INSL3: variants seen among roughly 807,000 people sequenced by gnomAD.
INSL3 encodes insulin-like 3.
A neutral mutation model predicts 5.5 loss-of-function variants in INSL3; 6 were observed. The observed-to-expected ratio is 1.08, with a 90% CI of 0.59 to 2.14. The LOEUF is 2.14. Among genes scored for constraint, INSL3 ranks in the 30% most tolerant of loss-of-function variants. INSL3 has a pLI of 0.00. For synonymous variants in INSL3, 86 were observed against 82.1 expected (o/e 1.05, Z -0.26); for missense variants, 178 against 184.7 (o/e 0.96, Z 0.21).
chr19:17,818,009 G>A (rs1389542272), intron 1 of INSL3, among the ~76,000 whole-genome samples: 1 of 151,806 alleles, frequency 6.6e-6, no homozygotes, highest in Non-Finnish European at 1.5e-5. Flanking sequence ...CAGGTCCAAG[G>A]GTCCGTGAGA....
At chr19:17,820,988 A>T (rs534434345) in intron 1 of INSL3, among the ~76,000 whole-genome samples, 5 of 151,818 alleles carry the variant, frequency 3.3e-5, no homozygotes, top group East Asian at 2.0e-4. Context: ...TAATTTTTTT[A>T]AAAATTATTT....
At position 17,821,411 on chromosome 19, in the gene INSL3, C is replaced by T. The variant is rs901138845; in HGVS notation, c.96G>A (p.Lys32=). 6 of 1,548,006 alleles carry T rather than the reference C, an allele frequency of 3.9e-6. No individual in the cohort carries two copies. The highest frequency in any genetic ancestry group is 5.2e-6 in the Non-Finnish European group (6 of 1,145,476). The change falls in exon 1 of 2, where the codon AAG becomes AAA. Residue 32 remains lysine, a synonymous_variant. Transcript: ENST00000317306. The part of the protein sequence containing the change: ...GPAPTPEMRE[K]LCGHHFVRAL... The stretch of plus-strand genomic sequence containing the variant: ...CGCGTACGAAGTGGTGGCCGCACAA[C>T]TTCTCACGCATCTCTGGGGTGGGCG...
intron 1 of INSL3, among the ~76,000 whole-genome samples, chr19:17,819,489 C>T (rs1000052852): frequency 1.1e-4 from 17 of 152,194 alleles, no homozygotes; most frequent in African/African-American, 3.1e-4. Flanking sequence ...GCGGCTCACG[C>T]TTGTAATCCC....
chr19:17,818,053 T>C (rs2094190459), intron 1 of INSL3, among the ~76,000 whole-genome samples: 1 of 151,892 alleles, frequency 6.6e-6, no homozygotes, highest in Non-Finnish European at 1.5e-5. Flanking sequence ...ACCCACAGAC[T>C]CCTCGTGGTA....
At position 17,817,027 on chromosome 19, in the gene INSL3, G is replaced by T; in HGVS notation, c.223C>A (p.Leu75Met). 3 of 1,613,648 alleles carry T rather than the reference G, an allele frequency of 1.9e-6. No homozygotes were observed. The South Asian group carries it at 3.3e-5, about 18-fold the overall frequency. The change falls in exon 2 of 2, where the codon CTG (leucine) becomes ATG (methionine). Residue 75 changes from leucine to methionine, a missense_variant. Physicochemically the swap from Leu to Met is conservative, Grantham distance 15. Transcript: ENST00000317306. ...CTGTCGGCCACCAGCCCATGGAGCA[G>T]ATGTCGTCTCTCCAGCCACTGTAGC... ...ELLQWLERRHLLHGLVADSNL... is the reference protein window; with the variant it reads ...ELLQWLERRHMLHGLVADSNL...
intron 1 of INSL3, among the ~76,000 whole-genome samples, chr19:17,819,225 C>A (rs1355652883): frequency 6.7e-6 from 1 of 149,026 alleles, no homozygotes; most frequent in Non-Finnish European, 1.5e-5. Flanking sequence ...TAGAGTGAGA[C>A]CCTGTCTCAA....
chr19:17,821,305 G>A lies in INSL3; in HGVS notation c.190+12C>T, dbSNP rs775244576. 5.2e-6 allele frequency: 8 copies of A among 1,544,786 alleles called. No individual in the cohort carries two copies. The highest frequency in any genetic ancestry group is 2.7e-5 in the African/African-American group (2 of 73,004). ...GCTTCCCAGAGCGCTGTCCCTGCCC[G>A]TCCCCACTCACGGTCGCCTCCGGTC... is the stretch of plus-strand genomic sequence containing the variant. On this transcript the variant is annotated intron_variant, in intron 1 of 1. Coordinates refer to ENST00000317306, the MANE Select transcript of INSL3 (RefSeq NM_005543.4).
chr19:17,817,344 G>A (rs1390948440), intron 1 of INSL3, among the ~76,000 whole-genome samples: 3 of 151,266 alleles, frequency 2.0e-5, no homozygotes, highest in African/African-American at 7.3e-5. Flanking sequence ...AATTAGCCGG[G>A]TGTGGTGGCG....
intron 1 of INSL3, chr19:17,820,329 T>C: frequency 2.8e-6 from 1 of 357,364 alleles, no homozygotes; most frequent in South Asian, 2.1e-5. Context: ...GTAACATAAT[T>C]GTGAAAAGCA....
chr19:17,821,018 A>G (rs1599858223), intron 1 of INSL3, among the ~76,000 whole-genome samples: 1 of 151,812 alleles, frequency 6.6e-6, no homozygotes, highest in South Asian at 2.1e-4. Flanking sequence ...ATGGGGTTTC[A>G]CCATTTTGGC....
intron 1 of INSL3, among the ~76,000 whole-genome samples, chr19:17,817,788 T>C (rs1599855906): frequency 4.2e-5 from 2 of 47,174 alleles, no homozygotes; most frequent in African/African-American, 9.4e-5. Context: ...AGAATGAAAC[T>C]CCATCTCAAA....
chr19:17,820,778 T>G (rs966693018), intron 1 of INSL3, among the ~76,000 whole-genome samples: 1 of 151,950 alleles, frequency 6.6e-6, no homozygotes, highest in Admixed American at 6.6e-5. Flanking sequence ...TCACTCTGTT[T>G]CTGGCCCCTC....
chr19:17,821,453 C>T lies in INSL3; in HGVS notation c.54G>A (p.Val18=). 1 of 1,539,674 alleles carries T rather than the reference C, an allele frequency of 6.5e-7. No homozygotes were observed. Among genetic ancestry groups the T allele is most frequent in the Non-Finnish European group, 8.8e-7 (1 of 1,139,692 alleles). The part of the protein sequence containing the change: ...WALVLLGPAL[V]FALGPAPTPE... ...GGGTGGGCGCGGGGCCCAACGCGAA[C>T]ACCAGGGCAGGGCCCAGCAGCACCA... The change falls in exon 1 of 2, where the codon GTG becomes GTA. Residue 18 remains valine (V), a synonymous_variant. Transcript: ENST00000317306.
intron 1 of INSL3, among the ~76,000 whole-genome samples, chr19:17,817,790 C>T (rs1309959901): frequency 2.4e-5 from 1 of 41,828 alleles, no homozygotes; most frequent in Non-Finnish European, 4.4e-5. Flanking sequence ...AATGAAACTC[C>T]ATCTCAAAAA....
In INSL3 at chr19:17,817,909, C is replaced by T. The variant is rs151233169; in HGVS notation, c.191-850G>A. ...ATGTCCACACTCACATCCCCAGCTG[C>T]GTGGGTCCCCATATGCCACCTGAGT... On this transcript the variant is annotated intron_variant, in intron 1 of 1. Transcript: ENST00000317306. Among the ~76,000 whole-genome samples the T allele has an allele frequency of 4.0e-3, 612 of 151,902 alleles. 4 individuals are homozygous for T. Among genetic ancestry groups the T allele is most frequent in the African/African-American group, 0.014 (577 of 41,450 alleles).
At position 17,816,578 on chromosome 19, in the gene INSL3, C is replaced by T. The variant is rs867008310; in HGVS notation, c.*276G>A. ...GGTGTTACACATGCAGGGAGCGGAG[C>T]GTCTGGGGCTCCCCTGGAGTGAGGA... On this transcript the variant is annotated 3_prime_UTR_variant, in exon 2 of 2. Transcript: ENST00000317306. 4 of 527,234 alleles carry T rather than the reference C, an allele frequency of 7.6e-6. No individual in the cohort carries two copies. Among genetic ancestry groups the T allele is most frequent in the East Asian group, 3.3e-5 (1 of 30,228 alleles). The allele number at this position is 527,234 out of a possible 1,614,324, so 32.7% of individuals were successfully genotyped here. A position where few individuals can be genotyped will look rare whatever the true frequency, so the allele number is the denominator to read the frequency against.
Position 17,820,232 on chromosome 19 carries a change from C to T in INSL3, c.190+1085G>A, listed in dbSNP as rs189597847. On this transcript the variant is annotated intron_variant, in intron 1 of 1. Coordinates refer to ENST00000317306, the MANE Select transcript of INSL3 (RefSeq NM_005543.4). ...CCGGGAGGCAGAGGTTGCAGTGAGA[C>T]GAGATCACGTCACAGCACTCTGGTT... Among the ~76,000 whole-genome samples the T allele has an allele frequency of 9.1e-4, 138 of 152,182 alleles. 3 individuals are homozygous for T. Among genetic ancestry groups the T allele is most frequent in the Admixed American group, 3.0e-3 (46 of 15,262 alleles).
rs1400553709 is a variant in INSL3 at position 17,821,321 on chromosome 19, G to C, written c.186C>G (p.Gly62=). 1 of 1,546,876 alleles carries C rather than the reference G, an allele frequency of 6.5e-7. No homozygotes were observed. The highest frequency in any genetic ancestry group is 2.0e-5 in the Admixed American group (1 of 50,996). ...STEARRPATG[G]DRELLQWLER... Reference sequence around the variant, plus strand: ...TCCCTGCCCGTCCCCACTCACGGTCGCCTCCGGTCGCAGGCCTCCTGGCTT... The same window carrying C: ...TCCCTGCCCGTCCCCACTCACGGTCCCCTCCGGTCGCAGGCCTCCTGGCTT... Residue 62 remains glycine (G), a synonymous_variant, in exon 1 of 2, where the codon GGC becomes GGG. Coordinates refer to ENST00000317306, the MANE Select transcript of INSL3 (RefSeq NM_005543.4).
rs1437660903 is a variant in INSL3, at chr19:17,816,808, G to T, written c.*46C>A. 6.3e-7 allele frequency: 1 copy of T among 1,588,536 alleles called. No individual in the cohort carries two copies. Among genetic ancestry groups the T allele is most frequent in the South Asian group, 1.1e-5 (1 of 90,414 alleles). The stretch of plus-strand genomic sequence containing the variant: ...GTGGCCTCAGGAGCTCACCAGACCA[G>T]ACCCTCTGGGCCTCAGGCCACTCTG... On this transcript the variant is annotated 3_prime_UTR_variant, in exon 2 of 2. Coordinates refer to ENST00000317306, the MANE Select transcript of INSL3 (RefSeq NM_005543.4).
Sources: allele counts gnomAD v4.1 joint callset (sites outside exome capture counted in the v4.1 genomes callset), GRCh38; gene constraint gnomAD v4.1.1; transcripts MANE v1.5; gene names NCBI Gene and HGNC (gene_info 2026-07-23, HGNC 2026-07-21).